HIRA: variants seen among roughly 807,000 people sequenced by gnomAD.
The protein encoded by HIRA is histone cell cycle regulator, also known as protein HIRA.
A neutral mutation model predicts 126.6 loss-of-function variants in HIRA; 13 were observed. That is an observed-to-expected ratio of 0.10 (90% CI 0.07 to 0.16). The LOEUF (loss-of-function observed/expected upper bound fraction) is 0.16, where lower values mean the gene tolerates loss of function less well. HIRA is among the 10% of genes least tolerant of loss of function. HIRA has a pLI of 1.00. For missense variants in HIRA, 834 were observed against 1,314.4 expected (o/e 0.63, Z 5.65); for synonymous variants, 511 against 520.0 (o/e 0.98, Z 0.24).
chr22:19,374,265 C>CGGA (rs899899514), intron 15 of HIRA, among the ~76,000 whole-genome samples: 7 of 152,042 alleles, frequency 4.6e-5, no homozygotes, highest in African/African-American at 1.4e-4. Flanking sequence ...ACCTGGGAGG[C>CGGA]GGAGGTTGCA....
In HIRA at chr22:19,394,426, T is replaced by A. The variant is rs745630540; in HGVS notation, c.738A>T (p.Ser246=). The A allele has an allele frequency of 6.2e-7, 1 of 1,613,828 alleles. No individual in the cohort carries two copies. The highest frequency in any genetic ancestry group is 8.5e-7 in the Non-Finnish European group (1 of 1,179,772). ...GTTCGATGATCTGGGCAGTGGGGCC[T>A]GAGTTGTTCATGGCATGGGCAGACA... ...YLVSAHAMNN[S]GPTAQIIERE... Residue 246 remains serine, a synonymous_variant, in exon 8 of 25, where the codon TCA becomes TCT. Transcript: ENST00000263208.
In HIRA at chr22:19,399,148, G is replaced by A. The variant is rs1227188027; in HGVS notation, c.398-1061C>T. 5.1e-6 allele frequency: 5 copies of A among 985,214 alleles called. No individual in the cohort carries two copies. The African/African-American group carries it at 8.7e-5, about 17-fold the overall frequency. The allele number at this position is 985,214 out of a possible 1,614,324, so 61.0% of individuals were successfully genotyped here. ...GCCTATCCTGCCATCAGGGGTGAAG[G>A]GCGCAGTCTTAGTTATTTCTCTAAC... On this transcript the variant is annotated intron_variant, in intron 5 of 24. Coordinates refer to ENST00000263208, the MANE Select transcript of HIRA (RefSeq NM_003325.4).
intron 24 of HIRA, among the ~76,000 whole-genome samples, chr22:19,338,420 A>C (rs868928510): frequency 1.1e-4 from 16 of 146,324 alleles, no homozygotes; most frequent in South Asian, 4.3e-4. Flanking sequence ...AAAAAAAAAA[A>C]CCAACAAAAA....
rs142872685 is a variant in HIRA at position 19,365,709 on chromosome 22, C to T, written c.1776-3778G>A. ...ACTAACACAACACACATTCTGCAGC[C>T]CATGAACAAGGAGCATTTTCATCTT... On this transcript the variant is annotated intron_variant, in intron 15 of 24. Transcript: ENST00000263208. The T allele has an allele frequency of 1.1e-3, 168 of 152,312 alleles. 1 individual carries two copies. The highest frequency in any genetic ancestry group is 3.9e-3 in the African/African-American group (160 of 41,554). The allele number at this position is 152,312 out of a possible 1,614,324, so 9.4% of individuals were successfully genotyped here.
chr22:19,356,896 G>A lies in HIRA; in HGVS notation c.2390C>T (p.Ser797Phe). 6.2e-7 allele frequency: 1 copy of A among 1,613,804 alleles called. No homozygotes were observed. The stretch of plus-strand genomic sequence containing the variant: ...CCCTGTGCCTGCCTCTCACCAGACA[G>A]AGAGTGTGGCTGCAGCGGTGAGCGC... ...VMALTAAATL[S>F]VWDVHRQVVV... The change falls in exon 19 of 25, where the codon TCT (serine) becomes TTT (phenylalanine). Residue 797 changes from serine to phenylalanine, a missense_variant. This residue lies in a region of HIRA where 468 missense variants were observed against 574.2 expected (regional missense o/e 0.82). Transcript: ENST00000263208.
intron 21 of HIRA, among the ~76,000 whole-genome samples, chr22:19,355,188 T>C (rs1039732711): frequency 3.9e-5 from 6 of 152,120 alleles, no homozygotes; most frequent in Admixed American, 1.3e-4. Flanking sequence ...ACCAAAGGTA[T>C]AGACAGAAGA....
intron 3 of HIRA, among the ~76,000 whole-genome samples, chr22:19,408,175 G>A (rs377297914): frequency 1.3e-5 from 2 of 152,076 alleles, no homozygotes; most frequent in Admixed American, 6.5e-5. Context: ...TGTCTCTTGC[G>A]CACCCTTCCC....
intron 14 of HIRA, among the ~76,000 whole-genome samples, chr22:19,376,319 CACA>C (rs1190281662): frequency 6.6e-6 from 1 of 152,214 alleles, no homozygotes; most frequent in Non-Finnish European, 1.5e-5. Context: ...GTGCTCATCA[CACA>C]ACTTTCATCT....
At chr22:19,369,983 C>T (rs968747106) in intron 15 of HIRA, among the ~76,000 whole-genome samples, 5 of 152,226 alleles carry the variant, frequency 3.3e-5, no homozygotes, top group South Asian at 2.1e-4. Context: ...TTTCTTGTTT[C>T]GTTTTGTTTT....
rs782150169 is a variant in HIRA, at chr22:19,331,462, A to G, written c.3032T>C (p.Leu1011Pro). 1 of 1,613,940 alleles carries G rather than the reference A, an allele frequency of 6.2e-7. No homozygotes were observed. Among genetic ancestry groups the G allele is most frequent in the South Asian group, 1.1e-5 (1 of 91,076 alleles). ...QRLFTECQEQ[L>P]DILRDK is the part of the protein sequence containing the mutation. The stretch of plus-strand genomic sequence containing the variant: ...AGGCTACTTGTCCCTCAGGATGTCG[A>G]GCTGTTCCTGACACTCGGTGAAGAG... The change falls in exon 25 of 25, where the codon CTC becomes CCC. Residue 1011 changes from leucine (L) to proline (P), a missense_variant. Around this residue, in one of 5 missense-constraint regions of HIRA, gnomAD observed 58 missense variants for 114.5 expected, o/e 0.51. Coordinates refer to ENST00000263208, the MANE Select transcript of HIRA (RefSeq NM_003325.4).
intron 15 of HIRA, among the ~76,000 whole-genome samples, chr22:19,373,811 A>T (rs1489962141): frequency 6.6e-6 from 1 of 151,864 alleles, no homozygotes; most frequent in Admixed American, 6.6e-5. Context: ...ACTTAATTCC[A>T]ACTCCTACAT....
intron 15 of HIRA, among the ~76,000 whole-genome samples, chr22:19,369,797 T>G (rs944966679): frequency 2.0e-5 from 3 of 152,108 alleles, no homozygotes; most frequent in African/African-American, 7.2e-5. Context: ...CCGGGCGTCA[T>G]GGCATACACC....
At chr22:19,368,757 CG>C (rs2088937803) in intron 15 of HIRA, among the ~76,000 whole-genome samples, 1 of 152,178 alleles carries the variant, frequency 6.6e-6, no homozygotes, top group African/African-American at 2.4e-5. Flanking sequence ...GTCACAGCAA[CG>C]TCCAACTATC....
chr22:19,406,516 T>C (rs1667059926), intron 4 of HIRA, among the ~76,000 whole-genome samples: 1 of 152,192 alleles, frequency 6.6e-6, no homozygotes, highest in Admixed American at 6.5e-5. Context: ...GACACACCGA[T>C]GATCAGAGCC....
intron 1 of HIRA, among the ~76,000 whole-genome samples, chr22:19,415,071 G>T (rs549995900): frequency 6.6e-6 from 1 of 151,960 alleles, no homozygotes; most frequent in Non-Finnish European, 1.5e-5. Flanking sequence ...TCAGCCTCCC[G>T]AGTAGCTGGG....
intron 24 of HIRA, among the ~76,000 whole-genome samples, chr22:19,339,986 G>C (rs1433790614): frequency 4.6e-5 from 7 of 152,114 alleles, no homozygotes; most frequent in African/African-American, 1.7e-4. Flanking sequence ...TATTACAAAA[G>C]ACAGAGAAAG....
Position 19,375,625 on chromosome 22 carries a change from A to T in HIRA, c.1775+6T>A. The stretch of plus-strand genomic sequence containing the variant: ...GGTCCTTCAGGGTCCTGCAGCTACC[A>T]CCTACCTTTCCACAGCTGTCGGAGT... On this transcript the variant is annotated splice_donor_region_variant and intron_variant, in intron 15 of 24. Coordinates refer to ENST00000263208, the MANE Select transcript of HIRA (RefSeq NM_003325.4). The T allele has an allele frequency of 6.2e-7, 1 of 1,613,812 alleles. No individual in the cohort carries two copies. The highest frequency in any genetic ancestry group is 1.1e-5 in the South Asian group (1 of 91,066).
intron 15 of HIRA, among the ~76,000 whole-genome samples, chr22:19,373,585 C>G (rs886127045): frequency 1.3e-5 from 2 of 152,166 alleles, no homozygotes; most frequent in Non-Finnish European, 2.9e-5. Context: ...GTTCATTTCT[C>G]GGCTTGGCGA....
intron 24 of HIRA, among the ~76,000 whole-genome samples, chr22:19,336,442 T>G (rs1556005950): frequency 1.3e-5 from 2 of 152,174 alleles, no homozygotes; most frequent in African/African-American, 4.8e-5. Context: ...CTCAGGACAT[T>G]ACAGCAATTC....
Sources: gnomAD v4.1 joint callset for allele counts (sites outside exome capture counted in the v4.1 genomes callset) on GRCh38, gnomAD v4.1.1 for gene constraint, gnomAD v4.1.1 regional missense constraint, MANE v1.5 for transcripts, NCBI Gene and HGNC (gene_info 2026-07-23, HGNC 2026-07-21) for gene names.